Variants in KSR2 observed in about 807,000 individuals in gnomAD.
KSR2 encodes kinase suppressor of ras 2.
In KSR2, 25 loss-of-function variants were observed where a neutral mutation model predicts 107.8. The observed-to-expected ratio is 0.23, with a 90% CI of 0.17 to 0.32. KSR2 has a LOEUF of 0.32. Ranked by LOEUF, KSR2 falls within the 10% of genes least tolerant of loss-of-function variation. KSR2 has a pLI of 1.00. For synonymous variants in KSR2, 480 were observed against 507.0 expected (o/e 0.95, Z 0.71); for missense variants, 887 against 1,268.9 (o/e 0.70, Z 4.57).
In KSR2 at chr12:117,854,269, AG is replaced by A. The variant is rs1893022846; in HGVS notation, c.472+1158del. Among the ~76,000 whole-genome samples the A allele has an allele frequency of 2.0e-5, 3 of 152,152 alleles. No individual in the cohort carries two copies. The South Asian group carries it at 6.2e-4, about 32-fold the overall frequency. ...AGATCCTCCTGCCTTGGCCTCCCAA[AG>A]TGCTGGGATTACAGGCGTGAGCCAG... On this transcript the variant is annotated intron_variant, in intron 3 of 19. Coordinates refer to ENST00000339824, the MANE Select transcript of KSR2 (RefSeq NM_173598.6).
At chr12:117,675,544 C>T (rs750836409) in intron 4 of KSR2, among the ~76,000 whole-genome samples, 36 of 152,180 alleles carry the variant, frequency 2.4e-4, no homozygotes, top group Non-Finnish European at 4.6e-4. Flanking sequence ...CAAACTGAAT[C>T]GATACCCTTT....
intron 3 of KSR2, among the ~76,000 whole-genome samples, chr12:117,770,551 C>T (rs905295231): frequency 6.6e-6 from 1 of 151,956 alleles, no homozygotes; most frequent in African/African-American, 2.4e-5. Flanking sequence ...CCCTAGATAA[C>T]TCATTCATTT....
chr12:117,744,461 C>T (rs1252403222), intron 4 of KSR2, among the ~76,000 whole-genome samples: 1 of 152,078 alleles, frequency 6.6e-6, no homozygotes, highest in African/African-American at 2.4e-5. Flanking sequence ...GCCTTTTCTT[C>T]CCCAAGAAAG....
At position 117,761,012 on chromosome 12, in the gene KSR2, T is replaced by C; in HGVS notation, c.985A>G (p.Lys329Glu). 1 of 1,613,420 alleles carries C rather than the reference T, an allele frequency of 6.2e-7. No individual in the cohort carries two copies. The highest frequency in any genetic ancestry group is 1.1e-5 in the South Asian group (1 of 91,066). ...AGGGCACCCACCGATCGCACTCACT[T>C]GGGCGTGTGGGCCTCGTCCACGCGG... ...GHRVDEAHTP[K>E]AKKKSKPLNL... The change falls in exon 4 of 20, where the codon AAA becomes GAA. Residue 329 changes from lysine to glutamate, a missense_variant and splice_region_variant. Physicochemically the swap from Lys to Glu is moderately conservative, Grantham distance 56 (BLOSUM62 1). Around this residue, in one of 8 missense-constraint regions of KSR2, gnomAD observed 399 missense variants for 479.5 expected, o/e 0.83. Coordinates refer to ENST00000339824, the MANE Select transcript of KSR2 (RefSeq NM_173598.6).
chr12:117,656,440 C>G (rs888573637), intron 5 of KSR2, among the ~76,000 whole-genome samples: 2 of 152,066 alleles, frequency 1.3e-5, no homozygotes, highest in Non-Finnish European at 2.9e-5. Context: ...AGAAACCCCA[C>G]TAAACCTCTA....
intron 18 of KSR2, among the ~76,000 whole-genome samples, chr12:117,470,593 C>A (rs1184178417): frequency 1.3e-5 from 2 of 152,220 alleles, no homozygotes; most frequent in Non-Finnish European, 2.9e-5. Flanking sequence ...TATCTCAATA[C>A]TATAAGAGCC....
chr12:117,675,781 G>A (rs998140754), intron 4 of KSR2, among the ~76,000 whole-genome samples: 2 of 152,310 alleles, frequency 1.3e-5, no homozygotes, highest in South Asian at 4.1e-4. Flanking sequence ...ACTGTGTCTG[G>A]AGCATCTGGC....
Position 117,772,825 on chromosome 12 carries a change from C to T in KSR2, c.473-11301G>A, listed in dbSNP as rs1300177739. Among the ~76,000 whole-genome samples, 3 of 152,188 alleles carry T rather than the reference C, an allele frequency of 2.0e-5. No individual in the cohort carries two copies. The East Asian group carries it at 5.8e-4, about 29-fold the overall frequency. ...ACAACACACCATTCCACCGGGGCCA[C>T]GGGAACATCGACTCGCCCTCAAGTT... On this transcript the variant is annotated intron_variant, in intron 3 of 19. Transcript: ENST00000339824.
At chr12:117,749,580 AC>A (rs1888541208) in intron 4 of KSR2, among the ~76,000 whole-genome samples, 1 of 152,166 alleles carries the variant, frequency 6.6e-6, no homozygotes. Flanking sequence ...ACACTTCACC[AC>A]AAAAATTCAT....
At chr12:117,826,549 C>T (rs1891759882) in intron 3 of KSR2, among the ~76,000 whole-genome samples, 1 of 152,088 alleles carries the variant, frequency 6.6e-6, no homozygotes, top group African/African-American at 2.4e-5. Context: ...TACACTGCTT[C>T]TTAGAGAGAG....
intron 14 of KSR2, among the ~76,000 whole-genome samples, chr12:117,496,098 C>T (rs1873014201): frequency 6.6e-6 from 1 of 150,998 alleles, no homozygotes; most frequent in Admixed American, 6.6e-5. Flanking sequence ...CTGCTCTGGG[C>T]TCTTCAAAGA....
intron 3 of KSR2, among the ~76,000 whole-genome samples, chr12:117,832,408 G>A (rs1892010145): frequency 6.6e-6 from 1 of 152,170 alleles, no homozygotes; most frequent in South Asian, 2.1e-4. Flanking sequence ...TTTGCTAATG[G>A]CTACAGATAA....
rs1056536792 is a variant in KSR2 at position 117,462,072 on chromosome 12, G to A, written c.*5127C>T. The A allele has an allele frequency of 1.1e-4, 16 of 152,008 alleles. No homozygotes were observed. Among genetic ancestry groups the A allele is most frequent in the African/African-American group, 3.9e-4 (16 of 41,364 alleles). 9.4% of individuals were successfully genotyped at this position (152,008 alleles called of 1,614,324 possible). A position where few individuals can be genotyped will look rare whatever the true frequency, so the allele number is the denominator to read the frequency against. On this transcript the variant is annotated 3_prime_UTR_variant, in exon 20 of 20. Coordinates refer to ENST00000339824, the MANE Select transcript of KSR2 (RefSeq NM_173598.6). Reference sequence around the variant, plus strand: ...CTGTTGGAATTCAGTGATGGGACGTGTTGATTGGGGCAAGCTTGGTAAGCA... The same window carrying A: ...CTGTTGGAATTCAGTGATGGGACGTATTGATTGGGGCAAGCTTGGTAAGCA...
intron 1 of KSR2, among the ~76,000 whole-genome samples, chr12:117,900,079 G>A (rs148522316): frequency 1.3e-5 from 2 of 152,288 alleles, no homozygotes; most frequent in South Asian, 2.1e-4. Context: ...CTAAGCAAAG[G>A]ACCCAACTCT....
At position 117,855,648 on chromosome 12, in the gene KSR2, G is replaced by T. The variant is rs113046324; in HGVS notation, c.322-70C>A. 1.5e-3 allele frequency: 2,338 copies of T among 1,514,846 alleles called. 21 individuals are homozygous for T. The African/African-American group carries it at 0.018, about 12-fold the overall frequency. The allele number at this position is 1,514,846 out of a possible 1,614,324, so 93.8% of individuals were successfully genotyped here. On this transcript the variant is annotated intron_variant, in intron 2 of 19. Transcript: ENST00000339824. ...ATCTCTGCCTCCACGCTGCCCTGTAGTGGTGCCTAGAGGAGAACACTCCGC... is the reference window on the plus strand; with the variant it reads ...ATCTCTGCCTCCACGCTGCCCTGTATTGGTGCCTAGAGGAGAACACTCCGC...
At chr12:117,769,666 G>A (rs543654011) in intron 3 of KSR2, among the ~76,000 whole-genome samples, 1 of 152,338 alleles carries the variant, frequency 6.6e-6, no homozygotes, top group African/African-American at 2.4e-5. Context: ...TACAAAGAGT[G>A]TAAAACCATC....
chr12:117,577,334 C>T (rs1007520495), intron 7 of KSR2, among the ~76,000 whole-genome samples: 3 of 147,860 alleles, frequency 2.0e-5, no homozygotes, highest in East Asian at 2.0e-4. Context: ...TGAAGGGGTA[C>T]GTAATACATG....
rs115884424 is a variant in KSR2, at chr12:117,610,201, G to A, written c.1172-27842C>T. ...CAATGAAATTTTTATAGGATAATTTGGCAATATAATTCAATAGCCTTGGAA... is the reference window on the plus strand; with the variant it reads ...CAATGAAATTTTTATAGGATAATTTAGCAATATAATTCAATAGCCTTGGAA... On this transcript the variant is annotated intron_variant, in intron 5 of 19. Coordinates refer to ENST00000339824, the MANE Select transcript of KSR2 (RefSeq NM_173598.6). Among the ~76,000 whole-genome samples, 1,500 of 152,088 alleles carry A rather than the reference G, an allele frequency of 9.9e-3. 21 individuals carry two copies. The highest frequency in any genetic ancestry group is 0.035 in the African/African-American group (1,455 of 41,468).
intron 1 of KSR2, among the ~76,000 whole-genome samples, chr12:117,924,138 C>G (rs561674266): frequency 1.3e-5 from 2 of 151,484 alleles, no homozygotes; most frequent in Non-Finnish European, 2.9e-5. Flanking sequence ...TCGGCCTCCC[C>G]AAGTGCTAGG....
Sources: allele counts gnomAD v4.1 joint callset (sites outside exome capture counted in the v4.1 genomes callset), GRCh38; gene constraint gnomAD v4.1.1; regional missense constraint gnomAD v4.1.1; transcripts MANE v1.5; gene names NCBI Gene and HGNC (gene_info 2026-07-23, HGNC 2026-07-21).